CRACDL: variants seen among roughly 807,000 people sequenced by gnomAD.
CRACDL encodes the protein CRACD-like protein.
Under a neutral mutation model 70.6 loss-of-function variants are expected in CRACDL, and 26 were observed. The ratio of observed to expected loss-of-function variants is 0.37; its 90% CI spans 0.27 to 0.51. The LOEUF is 0.51. Among genes scored for constraint, CRACDL ranks in the 20% least tolerant of loss-of-function variants. The pLI is 0.94. For missense variants in CRACDL, 1,283 were observed against 1,376.9 expected (o/e 0.93, Z 1.08); for synonymous variants, 618 against 615.2 (o/e 1.00, Z -0.07).
intron 7 of CRACDL, among the ~76,000 whole-genome samples, chr2:98,804,511 T>C (rs1704208969): frequency 6.6e-6 from 1 of 152,228 alleles, no homozygotes; most frequent in African/African-American, 2.4e-5. Context: ...CGCCGCCTTA[T>C]TGTTTTAGCT....
At chr2:98,799,370 TAC>T (rs1575317226) in intron 7 of CRACDL, among the ~76,000 whole-genome samples, 3 of 152,032 alleles carry the variant, frequency 2.0e-5, no homozygotes, top group Admixed American at 1.3e-4. Flanking sequence ...CTTTGCAAGC[TAC>T]AGTCTCTTGC....
chr2:98,863,337 C>T (rs1707010197), intron 1 of CRACDL, among the ~76,000 whole-genome samples: 1 of 152,060 alleles, frequency 6.6e-6, no homozygotes, highest in Admixed American at 6.5e-5. Flanking sequence ...TTAAGACATT[C>T]CCAAATAAAT....
In CRACDL at chr2:98,833,109, C is replaced by T. The variant is rs1705616461; in HGVS notation, c.240-112G>A. On this transcript the variant is annotated intron_variant, in intron 3 of 9. Coordinates refer to ENST00000397899, the MANE Select transcript of CRACDL (RefSeq NM_207362.3). The stretch of plus-strand genomic sequence containing the variant: ...TGAACAGAACATCAAACAACACTCC[C>T]TCTGCTGCATTTACATTTCAGTGGT... 32 of 967,114 alleles carry T rather than the reference C, an allele frequency of 3.3e-5. No homozygotes were observed. In the South Asian group the frequency reaches 5.2e-4, roughly 16 times the overall value. 59.9% of individuals were successfully genotyped at this position (967,114 alleles called of 1,614,324 possible).
At chr2:98,864,055 T>C (rs1009123718) in intron 1 of CRACDL, among the ~76,000 whole-genome samples, 19 of 152,212 alleles carry the variant, frequency 1.2e-4, no homozygotes, top group Non-Finnish European at 2.6e-4. Flanking sequence ...GTAAGTTTTA[T>C]GTTATGTGCA....
chr2:98,854,079 C>T (rs1000141994), intron 1 of CRACDL, among the ~76,000 whole-genome samples: 3 of 151,834 alleles, frequency 2.0e-5, no homozygotes, highest in South Asian at 2.1e-4. Context: ...GTCAGGAGTT[C>T]GAGACCAGTC....
At chr2:98,924,548 C>T (rs1048253843) in intron 1 of CRACDL, among the ~76,000 whole-genome samples, 6 of 152,244 alleles carry the variant, frequency 3.9e-5, no homozygotes, top group African/African-American at 1.4e-4. Flanking sequence ...TTCTCACAGA[C>T]AGGAGCCAGT....
intron 1 of CRACDL, among the ~76,000 whole-genome samples, chr2:98,921,704 C>A (rs1205965678): frequency 6.6e-6 from 1 of 152,204 alleles, no homozygotes; most frequent in African/African-American, 2.4e-5. Flanking sequence ...GATCCTGAGA[C>A]GTGCTCAGAA....
chr2:98,848,357 G>C (rs1026448878), intron 1 of CRACDL, among the ~76,000 whole-genome samples: 4 of 152,122 alleles, frequency 2.6e-5, no homozygotes, highest in African/African-American at 7.2e-5. Flanking sequence ...GAGTCCTTTA[G>C]AGGTGGTAGC....
At chr2:98,895,077 C>A (rs112552398) in intron 1 of CRACDL, among the ~76,000 whole-genome samples, 3,651 of 152,186 alleles carry the variant, frequency 0.024, 89 homozygotes, top group Non-Finnish European at 0.035. Context: ...TACCACTACG[C>A]TCCAGCCTGG....
chr2:98,896,309 C>T (rs1356527303), intron 1 of CRACDL, among the ~76,000 whole-genome samples: 1 of 152,190 alleles, frequency 6.6e-6, no homozygotes, highest in Non-Finnish European at 1.5e-5. Flanking sequence ...GTTTTGGACA[C>T]ATGCATGACT....
intron 1 of CRACDL, chr2:98,897,420 G>C: frequency 7.7e-7 from 1 of 1,302,970 alleles, no homozygotes; most frequent in Non-Finnish European, 1.0e-6. Context: ...TCAGTCACAG[G>C]TGTCCTTATC....
At chr2:98,812,082 T>C (rs533835672) in intron 7 of CRACDL, among the ~76,000 whole-genome samples, 45 of 152,302 alleles carry the variant, frequency 3.0e-4, no homozygotes, top group African/African-American at 1.0e-3. Context: ...TTCAAGCGAT[T>C]CTCCTGCCTC....
intron 1 of CRACDL, among the ~76,000 whole-genome samples, chr2:98,881,034 G>A (rs1707636953): frequency 6.6e-6 from 1 of 152,178 alleles, no homozygotes; most frequent in Non-Finnish European, 1.5e-5. Flanking sequence ...CCACTGCAGG[G>A]CTCCTAGTGG....
chr2:98,822,464 G>A lies in CRACDL; in HGVS notation c.1809C>T (p.Ser603=), dbSNP rs1482687422. The A allele has an allele frequency of 1.5e-5, 22 of 1,476,200 alleles. No individual in the cohort carries two copies. The highest frequency in any genetic ancestry group is 5.9e-5 in the East Asian group (2 of 33,924). 91.4% of individuals were successfully genotyped at this position (1,476,200 alleles called of 1,614,324 possible). ...CCGCCTCGCTCCTCCAGACCGGGCC[G>A]CTCCTCGCGAGGGGCAGGCGGCCGC... ...RASGRLPLAR[S]GPVWRSEAAL... Residue 603 remains serine (S), a synonymous_variant, in exon 7 of 10, where the codon AGC becomes AGT. Transcript: ENST00000397899. The surrounding 1 kb of genome is among the most constrained non-coding windows in gnomAD (Gnocchi z 4.9).
rs375049911 is a variant in CRACDL at position 98,821,874 on chromosome 2, G to A, written c.2399C>T (p.Pro800Leu). Residue 800 changes from proline (P) to leucine (L), a missense_variant, in exon 7 of 10, where the codon CCG becomes CTG. Coordinates refer to ENST00000397899, the MANE Select transcript of CRACDL (RefSeq NM_207362.3). ...GCTCTTACCAGCTCCCCTGCGCAGC[G>A]GCCTTTTCTCCGCCGTCCTGGGCTC... ...RKEPRTAEKR[P>L]LRRGAEKSLP... 18 of 1,606,872 alleles carry A rather than the reference G, an allele frequency of 1.1e-5. No individual in the cohort carries two copies. In the African/African-American group the frequency reaches 1.9e-4, roughly 17 times the overall value.
chr2:98,802,218 C>T (rs1417848750), intron 7 of CRACDL, among the ~76,000 whole-genome samples: 3 of 152,264 alleles, frequency 2.0e-5, no homozygotes, highest in East Asian at 1.9e-4. Context: ...GCCCTGCTGG[C>T]GCTGCATCAT....
At chr2:98,915,676 T>G (rs1573195059) in intron 1 of CRACDL, among the ~76,000 whole-genome samples, 1 of 149,156 alleles carries the variant, frequency 6.7e-6, no homozygotes, top group African/African-American at 2.5e-5. Flanking sequence ...CTGCTGGGGG[T>G]GGGGGAAATA....
chr2:98,826,444 C>T (rs538643410), intron 6 of CRACDL, among the ~76,000 whole-genome samples: 23 of 152,332 alleles, frequency 1.5e-4, no homozygotes, highest in African/African-American at 5.5e-4. Flanking sequence ...AATAAGAGCA[C>T]ATCCATTTAC....
chr2:98,811,191 G>T (rs1302760667), intron 7 of CRACDL, among the ~76,000 whole-genome samples: 1 of 152,004 alleles, frequency 6.6e-6, no homozygotes, highest in African/African-American at 2.4e-5. Flanking sequence ...GTGGGCAGGA[G>T]GCCACTATCC....
Sources: gnomAD v4.1 joint callset for allele counts (sites outside exome capture counted in the v4.1 genomes callset) on GRCh38, gnomAD v4.1.1 for gene constraint, Gnocchi (gnomAD v3.1) non-coding constraint, MANE v1.5 for transcripts, NCBI Gene and HGNC (gene_info 2026-07-23, HGNC 2026-07-21) for gene names.